Variants in FAM120A observed in about 807,000 individuals in gnomAD.
FAM120A encodes the protein family with sequence similarity 120 member A.
In FAM120A, 15 loss-of-function variants were observed where a neutral mutation model predicts 109.7. The ratio of observed to expected loss-of-function variants is 0.14; its 90% CI spans 0.09 to 0.21. FAM120A has a LOEUF of 0.21. Among genes scored for constraint, FAM120A ranks in the 10% least tolerant of loss-of-function variants. FAM120A has a pLI of 1.00. For missense variants in FAM120A, 899 were observed against 1,439.3 expected (o/e 0.62, Z 6.07); for synonymous variants, 493 against 572.8 (o/e 0.86, Z 1.99).
intron 5 of FAM120A, among the ~76,000 whole-genome samples, chr9:93,510,914 G>T (rs565665150): frequency 2.6e-5 from 4 of 151,378 alleles, no homozygotes; most frequent in African/African-American, 4.9e-5. Context: ...GCCGTATCTC[G>T]TGATGTCTAC....
At chr9:93,509,054 C>A (rs1377116972) in intron 5 of FAM120A, among the ~76,000 whole-genome samples, 1 of 152,224 alleles carries the variant, frequency 6.6e-6, no homozygotes, top group Non-Finnish European at 1.5e-5. Flanking sequence ...CTGAACAGAG[C>A]CCACTGCAGG....
chr9:93,497,154 C>G (rs1313023651), intron 3 of FAM120A, among the ~76,000 whole-genome samples: 1 of 152,182 alleles, frequency 6.6e-6, no homozygotes. Flanking sequence ...GGGTGCAGGT[C>G]CTGGCCTTGG....
At chr9:93,557,783 C>A (rs778221345) in intron 13 of FAM120A, 44 bp from the exon 14 acceptor site, 23 of 1,565,788 alleles carry the variant, frequency 1.5e-5, no homozygotes, top group Admixed American at 9.1e-5. Flanking sequence ...TCAATTAAAA[C>A]CCCCTGTGGA....
rs201908272 is a variant in FAM120A, at chr9:93,529,363, C to T, written c.1517C>T (p.Ser506Leu). The T allele has an allele frequency of 8.7e-6, 14 of 1,604,516 alleles. No homozygotes were observed. The highest frequency in any genetic ancestry group is 3.3e-4 in the Middle Eastern group (2 of 6,000). Reference protein sequence around the residue: ...DPGDQTKAEGSSTASSGSQLA... With the variant: ...DPGDQTKAEGLSTASSGSQLA... The stretch of plus-strand genomic sequence containing the variant: ...CTCTCTGCACTGTAGGCAGAAGGCT[C>T]GTCCACTGCCTCTTCAGGAAGCCAA... Residue 506 changes from serine to leucine, a missense_variant, in exon 9 of 18, where the codon TCG becomes TTG. Physicochemically the swap from Ser to Leu is moderately radical, Grantham distance 145. Around this residue, in one of 11 missense-constraint regions of FAM120A, gnomAD observed 57 missense variants for 52.9 expected, o/e 1.08. Transcript: ENST00000277165.
At chr9:93,472,396 T>A (rs1296265187) in intron 2 of FAM120A, among the ~76,000 whole-genome samples, 1 of 152,200 alleles carries the variant, frequency 6.6e-6, no homozygotes, top group Non-Finnish European at 1.5e-5. Flanking sequence ...TACTTTAATA[T>A]CCAGCTCTAG....
intron 8 of FAM120A, among the ~76,000 whole-genome samples, chr9:93,527,614 A>ATT (rs67894788): frequency 0.3 from 24,319 of 80,468 alleles, 8,394 homozygotes; most frequent in Non-Finnish European, 0.44. Flanking sequence ...TTTGTATTTA[A>ATT]TTTTTTTTTT....
At chr9:93,503,767 A>C (rs1588851326) in intron 5 of FAM120A, among the ~76,000 whole-genome samples, 1 of 152,084 alleles carries the variant, frequency 6.6e-6, no homozygotes, top group African/African-American at 2.4e-5. Context: ...GTTGGAACAA[A>C]TGTGTCACAC....
chr9:93,516,050 C>T lies in FAM120A; in HGVS notation c.1199C>T (p.Pro400Leu). ...CCATACCCGTACAGCCTCTCTGAGCCAGCACCTCTCACTTTGGACACGAGC... is the reference window on the plus strand; with the variant it reads ...CCATACCCGTACAGCCTCTCTGAGCTAGCACCTCTCACTTTGGACACGAGC... ...QGPYPYSLSEPAPLTLDTSGK... is the reference protein window; with the variant it reads ...QGPYPYSLSELAPLTLDTSGK... The change falls in exon 7 of 18, where the codon CCA (proline) becomes CTA (leucine). Residue 400 changes from proline (P) to leucine (L), a missense_variant. Physicochemically the swap from Pro to Leu is moderately conservative, Grantham distance 98. This residue lies in a region of FAM120A where 5 missense variants were observed against 53.1 expected (regional missense o/e 0.09). Coordinates refer to ENST00000277165, the MANE Select transcript of FAM120A (RefSeq NM_014612.5). 3 of 1,605,852 alleles carry T rather than the reference C, an allele frequency of 1.9e-6. No homozygotes were observed. The highest frequency in any genetic ancestry group is 1.1e-5 in the South Asian group (1 of 90,512).
chr9:93,548,114 A>T (rs80104616), intron 11 of FAM120A, among the ~76,000 whole-genome samples: 6,502 of 150,990 alleles, frequency 0.043, 236 homozygotes, highest in African/African-American at 0.094. Context: ...AAAAAAAAAA[A>T]TTTTTTTTTG....
At chr9:93,472,302 A>G (rs889627730) in intron 2 of FAM120A, among the ~76,000 whole-genome samples, 2 of 151,130 alleles carry the variant, frequency 1.3e-5, no homozygotes, top group Admixed American at 1.3e-4. Context: ...TTTGTCTGTC[A>G]CTTTATATTT....
At chr9:93,471,531 C>G in intron 2 of FAM120A, 144 bp downstream of exon 2, 1 of 1,022,388 alleles carries the variant, frequency 9.8e-7, no homozygotes, top group Non-Finnish European at 1.4e-6. Context: ...CCTTAGCATT[C>G]CTTGCTTCGT....
chr9:93,524,725 G>A (rs1368619329), intron 7 of FAM120A, among the ~76,000 whole-genome samples: 1 of 152,198 alleles, frequency 6.6e-6, no homozygotes, highest in Admixed American at 6.5e-5. Context: ...TGTGACTGTG[G>A]GTAGATTCCT....
chr9:93,541,420 A>G (rs1411450047), intron 10 of FAM120A, among the ~76,000 whole-genome samples: 1 of 152,158 alleles, frequency 6.6e-6, no homozygotes, highest in African/African-American at 2.4e-5. Context: ...CTGGAGATCC[A>G]CAGGATCGGG....
chr9:93,494,412 A>G (rs1180319707), intron 3 of FAM120A, among the ~76,000 whole-genome samples: 1 of 152,170 alleles, frequency 6.6e-6, no homozygotes, highest in Admixed American at 6.5e-5. Flanking sequence ...CCAAGTCTCC[A>G]TCCTGCACGT....
At position 93,562,647 on chromosome 9, in the gene FAM120A, TTTTC is replaced by T. The variant is rs370506701; in HGVS notation, c.3045+355_3045+358del. Reference sequence around the variant, plus strand: ...GAACAGCCACTTGTAGTTTCTTTTTTTTTCTTTCTTTCTTTTTCTTTTTTTTTTT... The same window carrying T: ...GAACAGCCACTTGTAGTTTCTTTTTTTTTCTTTCTTTTTCTTTTTTTTTTT... On this transcript the variant is annotated intron_variant, in intron 17 of 17. Coordinates refer to ENST00000277165, the MANE Select transcript of FAM120A (RefSeq NM_014612.5). 6.4e-3 allele frequency among the ~76,000 whole-genome samples: 965 copies of T among 151,690 alleles called. 11 individuals carry two copies. The highest frequency in any genetic ancestry group is 0.022 in the African/African-American group (922 of 41,298).
chr9:93,471,994 C>T (rs973319566), intron 2 of FAM120A, among the ~76,000 whole-genome samples: 8 of 151,998 alleles, frequency 5.3e-5, no homozygotes, highest in African/African-American at 1.9e-4. Flanking sequence ...AATAATTCCC[C>T]CACGCCTGTA....
rs1857302455 is a variant in FAM120A at position 93,452,565 on chromosome 9, G to C, written c.474+176G>C. The C allele has an allele frequency of 6.3e-7, 1 of 1,590,314 alleles. No individual in the cohort carries two copies. The highest frequency in any genetic ancestry group is 1.7e-5 in the Admixed American group (1 of 58,344). On this transcript the variant is annotated intron_variant, in intron 1 of 17. Coordinates refer to ENST00000277165, the MANE Select transcript of FAM120A (RefSeq NM_014612.5). This position sits in a 1 kb window ranked among gnomAD's most constrained non-coding sequence, Gnocchi z 7.0. ...TGCAAGATGGATGGCCGCGGGTGCA[G>C]GCCGCGCGCTGCCCAAGCCCGTCTC...
chr9:93,531,081 C>T (rs1312430312), intron 9 of FAM120A: 1 of 152,170 alleles, frequency 6.6e-6, no homozygotes, highest in Non-Finnish European at 1.5e-5. Flanking sequence ...AGCTGAATGG[C>T]TCTGGTATTA....
At chr9:93,558,319 A>C (rs1862362227) in intron 14 of FAM120A, among the ~76,000 whole-genome samples, 1 of 152,230 alleles carries the variant, frequency 6.6e-6, no homozygotes, top group African/African-American at 2.4e-5. Context: ...GGTCAGAGAG[A>C]GCCATCTTCC....
Sources: gnomAD v4.1 joint callset for allele counts (sites outside exome capture counted in the v4.1 genomes callset) on GRCh38, gnomAD v4.1.1 for gene constraint, gnomAD v4.1.1 regional missense constraint, Gnocchi (gnomAD v3.1) non-coding constraint, MANE v1.5 for transcripts, NCBI Gene and HGNC (gene_info 2026-07-23, HGNC 2026-07-21) for gene names.